The following ERBB4 variants were observed in gnomAD, a reference collection of about 807,000 sequenced individuals.
The protein encoded by ERBB4 is receptor tyrosine-protein kinase erbB-4.
A neutral mutation model predicts 158.0 loss-of-function variants in ERBB4; 42 were observed. That is an observed-to-expected ratio of 0.27 (90% CI 0.21 to 0.34). The LOEUF (loss-of-function observed/expected upper bound fraction) is 0.34. Ranked by LOEUF, ERBB4 falls within the 10% of genes least tolerant of loss-of-function variation. The pLI is 1.00. For synonymous variants in ERBB4, 583 were observed against 558.7 expected (o/e 1.04, Z -0.61); for missense variants, 1,333 against 1,624.1 (o/e 0.82, Z 3.08).
chr2:211,739,090 T>C (rs1292329990), intron 5 of ERBB4, among the ~76,000 whole-genome samples: 1 of 152,228 alleles, frequency 6.6e-6, no homozygotes, highest in African/African-American at 2.4e-5. Flanking sequence ...AATTCATCAA[T>C]CTGTATAGGT....
At chr2:212,224,277 T>C (rs939225) in intron 1 of ERBB4, among the ~76,000 whole-genome samples, 73,181 of 151,588 alleles carry the variant, frequency 0.48, 18,063 homozygotes, top group East Asian at 0.76. Context: ...GTTAAATGTA[T>C]CAAGTCAAGC....
chr2:211,754,407 C>CTT (rs59474280), intron 4 of ERBB4, among the ~76,000 whole-genome samples: 4 of 138,070 alleles, frequency 2.9e-5, no homozygotes, highest in Admixed American at 7.3e-5. Flanking sequence ...GCAATAATCC[C>CTT]TTTTTTTTTT....
intron 4 of ERBB4, among the ~76,000 whole-genome samples, chr2:211,758,053 A>G (rs2075325241): frequency 6.6e-6 from 1 of 152,260 alleles, no homozygotes; most frequent in South Asian, 2.1e-4. Context: ...AAAATTGATG[A>G]TAATCCATTT....
Position 212,321,888 on chromosome 2 carries a change from C to T in ERBB4, c.83-196985G>A, listed in dbSNP as rs2087583012. Among the ~76,000 whole-genome samples the T allele has an allele frequency of 2.7e-5, 4 of 149,844 alleles. No homozygotes were observed. In the South Asian group the frequency reaches 8.5e-4, roughly 32 times the overall value. ...CATTCTTCATAATTTCTTCAAAATG[C>T]TAATAAGTTGACTTTGTGTTATTAA... On this transcript the variant is annotated intron_variant, in intron 1 of 27. Coordinates refer to ENST00000342788, the MANE Select transcript of ERBB4 (RefSeq NM_005235.3).
intron 1 of ERBB4, among the ~76,000 whole-genome samples, chr2:212,291,695 T>TG (rs1457076070): frequency 6.6e-6 from 1 of 152,066 alleles, no homozygotes; most frequent in Non-Finnish European, 1.5e-5. Flanking sequence ...TAGAGATTTT[T>TG]GGGGTTTTTC....
chr2:211,399,546 T>C (rs1246375192), intron 25 of ERBB4, among the ~76,000 whole-genome samples: 1 of 152,212 alleles, frequency 6.6e-6, no homozygotes, highest in Non-Finnish European at 1.5e-5. Flanking sequence ...TATCTGACTA[T>C]TATATCTCAT....
chr2:211,394,406 G>A (rs1252558113), intron 25 of ERBB4, among the ~76,000 whole-genome samples: 1 of 151,910 alleles, frequency 6.6e-6, no homozygotes, highest in Non-Finnish European at 1.5e-5. Context: ...CTCTTTTTTG[G>A]CATGTTTATA....
chr2:211,900,243 C>T (rs927246181), intron 3 of ERBB4, among the ~76,000 whole-genome samples: 6 of 152,086 alleles, frequency 3.9e-5, no homozygotes, highest in African/African-American at 1.2e-4. Flanking sequence ...AGAAATTCTC[C>T]TCATACTAAC....
intron 2 of ERBB4, among the ~76,000 whole-genome samples, chr2:211,983,719 C>T (rs2081865354): frequency 6.6e-6 from 1 of 151,886 alleles, no homozygotes; most frequent in Non-Finnish European, 1.5e-5. Flanking sequence ...ACTTGTAAAC[C>T]CAAGCATTTA....
At chr2:212,433,220 C>A (rs188275748) in intron 1 of ERBB4, among the ~76,000 whole-genome samples, 24 of 152,074 alleles carry the variant, frequency 1.6e-4, no homozygotes, top group Admixed American at 1.2e-3. Context: ...TTTCTAAAAA[C>A]TTCCACTAAC....
At chr2:211,673,027 C>T (rs933365145) in intron 14 of ERBB4, 137 bp downstream of exon 14, 1 of 738,196 alleles carries the variant, frequency 1.4e-6, no homozygotes, top group South Asian at 1.5e-5. Flanking sequence ...CTTTAAGCCT[C>T]TTGTAGGCAG....
chr2:212,266,511 A>C (rs1334347536), intron 1 of ERBB4, among the ~76,000 whole-genome samples: 3 of 152,056 alleles, frequency 2.0e-5, no homozygotes, highest in Non-Finnish European at 2.9e-5. Context: ...GGAGAATCTC[A>C]AGGCAGTTAC....
intron 2 of ERBB4, among the ~76,000 whole-genome samples, chr2:212,065,423 G>A (rs921466210): frequency 2.0e-5 from 3 of 151,826 alleles, no homozygotes; most frequent in Non-Finnish European, 4.4e-5. Flanking sequence ...TTTATTTCCC[G>A]GTGATTTAGT....
chr2:212,313,918 A>C (rs901213697), intron 1 of ERBB4, among the ~76,000 whole-genome samples: 1 of 151,110 alleles, frequency 6.6e-6, no homozygotes, highest in Non-Finnish European at 1.5e-5. Context: ...ATTTTTCAGC[A>C]TGAATAAATT....
chr2:212,180,026 T>G (rs931174292), intron 1 of ERBB4, among the ~76,000 whole-genome samples: 5 of 151,654 alleles, frequency 3.3e-5, no homozygotes, highest in African/African-American at 1.2e-4. Context: ...TCATAAAAAT[T>G]TTATGTCTAA....
intron 1 of ERBB4, among the ~76,000 whole-genome samples, chr2:212,329,011 A>T (rs1321927633): frequency 6.6e-6 from 1 of 152,036 alleles, no homozygotes; most frequent in Non-Finnish European, 1.5e-5. Context: ...TAAATGCCTT[A>T]TGTTTATCCC....
rs369004477 is a variant in ERBB4, at chr2:212,256,460, T to C, written c.83-131557A>G. Among the ~76,000 whole-genome samples the C allele has an allele frequency of 3.9e-5, 6 of 152,268 alleles. No homozygotes were observed. The East Asian group carries it at 5.8e-4, about 15-fold the overall frequency. ...TTTGATAGTCAGAAACAAGGGACTG[T>C]AGATCTGCATTACCAAAATGGAAAT... On this transcript the variant is annotated intron_variant, in intron 1 of 27. Transcript: ENST00000342788.
chr2:211,764,722 A>G (rs1368655476), intron 4 of ERBB4, among the ~76,000 whole-genome samples: 1 of 152,142 alleles, frequency 6.6e-6, no homozygotes, highest in Non-Finnish European at 1.5e-5. Flanking sequence ...AGATACAAAA[A>G]TAGAATAGCC....
chr2:211,959,556 T>C (rs980865458), intron 2 of ERBB4, among the ~76,000 whole-genome samples: 3 of 152,164 alleles, frequency 2.0e-5, no homozygotes, highest in Non-Finnish European at 4.4e-5. Context: ...TATGTTTGTG[T>C]GTTTGTCTTC....
Sources: gnomAD v4.1 joint callset for allele counts (sites outside exome capture counted in the v4.1 genomes callset) on GRCh38, gnomAD v4.1.1 for gene constraint, MANE v1.5 for transcripts, NCBI Gene and HGNC (gene_info 2026-07-23, HGNC 2026-07-21) for gene names.